ZHX3: variants seen among roughly 807,000 people sequenced by gnomAD.
ZHX3 encodes zinc fingers and homeoboxes 3.
In ZHX3, 20 loss-of-function variants were observed where a neutral mutation model predicts 64.5. The observed-to-expected ratio is 0.31, with a 90% CI of 0.22 to 0.45. The LOEUF (loss-of-function observed/expected upper bound fraction) is 0.45. ZHX3 is among the 20% of genes least tolerant of loss of function. The pLI, the probability that ZHX3 is intolerant of heterozygous loss-of-function variation, is 1.00. For synonymous variants in ZHX3, 423 were observed against 461.6 expected (o/e 0.92, Z 1.07); for missense variants, 1,041 against 1,195.8 (o/e 0.87, Z 1.91).
chr20:41,287,133 C>T (rs768781997), intron 1 of ZHX3, among the ~76,000 whole-genome samples: 17 of 152,190 alleles, frequency 1.1e-4, no homozygotes, highest in Non-Finnish European at 1.6e-4. Context: ...AGGCCTTTGA[C>T]TTACTATTCA....
intron 2 of ZHX3, among the ~76,000 whole-genome samples, chr20:41,220,814 C>G (rs1219672157): frequency 6.6e-6 from 1 of 151,974 alleles, no homozygotes; most frequent in Non-Finnish European, 1.5e-5. Context: ...CCGCTTCAGC[C>G]TCCCAAGTAG....
intron 1 of ZHX3, among the ~76,000 whole-genome samples, chr20:41,304,243 T>C (rs990740098): frequency 6.6e-6 from 1 of 152,146 alleles, no homozygotes; most frequent in Non-Finnish European, 1.5e-5. Context: ...CTACATACTA[T>C]ACTTTCTGTT....
chr20:41,220,245 G>A (rs1316603235), intron 2 of ZHX3, among the ~76,000 whole-genome samples: 1 of 152,192 alleles, frequency 6.6e-6, no homozygotes, highest in South Asian at 2.1e-4. Flanking sequence ...GTTGCTTTTG[G>A]ATTAGAGCTC....
chr20:41,194,116 C>T (rs1341253605), intron 3 of ZHX3, among the ~76,000 whole-genome samples: 8 of 152,122 alleles, frequency 5.3e-5, no homozygotes, highest in Admixed American at 5.2e-4. Context: ...CTAGAACTTC[C>T]AATGCTGTTT....
chr20:41,311,394 A>G (rs1370205583), intron 1 of ZHX3, among the ~76,000 whole-genome samples: 1 of 152,246 alleles, frequency 6.6e-6, no homozygotes, highest in African/African-American at 2.4e-5. Context: ...GCTTACAGCT[A>G]GAAAGTGGCA....
intron 1 of ZHX3, among the ~76,000 whole-genome samples, chr20:41,295,873 G>A (rs1015561896): frequency 2.6e-5 from 4 of 151,940 alleles, no homozygotes; most frequent in African/African-American, 9.6e-5. Flanking sequence ...AAATTATCAG[G>A]AGCCAAAATA....
chr20:41,299,076 T>G (rs915604862), intron 1 of ZHX3, among the ~76,000 whole-genome samples: 1 of 152,140 alleles, frequency 6.6e-6, no homozygotes. Context: ...ACACCAGAAA[T>G]AAACATAATT....
chr20:41,203,115 T>C lies in ZHX3; in HGVS notation c.1802A>G (p.Lys601Arg), dbSNP rs766602408. The C allele has an allele frequency of 1.9e-6, 3 of 1,614,038 alleles. No homozygotes were observed. Among genetic ancestry groups the C allele is most frequent in the East Asian group, 2.2e-5 (1 of 44,868 alleles). The stretch of plus-strand genomic sequence containing the variant: ...AGGAGTCTGGTGCCAAGATTGTCGT[T>C]TGGCAGAAGGGTGGGTTGCTAGTGT... ...TATLATHPSA[K>R]RQSWHQTPDF... The change falls in exon 3 of 4, where the codon AAA becomes AGA. Residue 601 changes from lysine to arginine, a missense_variant. This residue lies in a region of ZHX3 where 649 missense variants were observed against 739.8 expected (regional missense o/e 0.88). Transcript: ENST00000683867. This position sits in a 1 kb window ranked among gnomAD's most constrained non-coding sequence, Gnocchi z 7.1.
chr20:41,306,736 A>C (rs2044991209), intron 1 of ZHX3, among the ~76,000 whole-genome samples: 1 of 152,240 alleles, frequency 6.6e-6, no homozygotes, highest in African/African-American at 2.4e-5. Flanking sequence ...AGGAATAAAC[A>C]AAAAGGAAAT....
chr20:41,185,227 C>G lies in ZHX3; in HGVS notation c.2861-26G>C. 1 of 1,586,892 alleles carries G rather than the reference C, an allele frequency of 6.3e-7. No homozygotes were observed. Among genetic ancestry groups the G allele is most frequent in the Non-Finnish European group, 8.6e-7 (1 of 1,163,818 alleles). ...CTGAGAAGAAAACACATGCCTGTCA[C>G]TCTACGGCAGCTGCCACCACCTGCC... On this transcript the variant is annotated intron_variant, in intron 3 of 3. Coordinates refer to ENST00000683867, the MANE Select transcript of ZHX3 (RefSeq NM_001384317.1). This position sits in a 1 kb window ranked among gnomAD's most constrained non-coding sequence, Gnocchi z 5.0.
chr20:41,306,750 A>G lies in ZHX3; in HGVS notation c.-245+10759T>C, dbSNP rs374772536. 3.3e-5 allele frequency among the ~76,000 whole-genome samples: 5 copies of G among 152,256 alleles called. No individual in the cohort carries two copies. The East Asian group carries it at 9.6e-4, about 29-fold the overall frequency. On this transcript the variant is annotated intron_variant, in intron 1 of 3. Transcript: ENST00000683867. ...CAGGAATAAACAAAAAGGAAATGCTATCTTCTGTGAACTATATATGTTGAT... is the reference window on the plus strand; with the variant it reads ...CAGGAATAAACAAAAAGGAAATGCTGTCTTCTGTGAACTATATATGTTGAT...
intron 1 of ZHX3, among the ~76,000 whole-genome samples, chr20:41,280,817 A>C (rs1442160145): frequency 6.6e-6 from 1 of 152,216 alleles, no homozygotes. Flanking sequence ...GAATTCTCCC[A>C]AACCAAGAAA....
intron 1 of ZHX3, among the ~76,000 whole-genome samples, chr20:41,299,303 AG>A (rs1393741369): frequency 4.6e-5 from 7 of 152,228 alleles, no homozygotes; most frequent in African/African-American, 1.7e-4. Flanking sequence ...ATATCAAAAA[AG>A]GCACAAGGAT....
Position 41,181,744 on chromosome 20 carries a change from A to C in ZHX3, c.*3447T>G, listed in dbSNP as rs1431510460. ...GCACATCTCAGGCTACGGAATAGAG[A>C]GATTTCCTGGTGGGACGGCCTCCCA... On this transcript the variant is annotated 3_prime_UTR_variant, in exon 4 of 4. Coordinates refer to ENST00000683867, the MANE Select transcript of ZHX3 (RefSeq NM_001384317.1). 5 of 152,238 alleles carry C rather than the reference A, an allele frequency of 3.3e-5. No homozygotes were observed. Among genetic ancestry groups the C allele is most frequent in the African/African-American group, 9.6e-5 (4 of 41,454 alleles). The allele number at this position is 152,238 out of a possible 1,614,324, so 9.4% of individuals were successfully genotyped here. A position where few individuals can be genotyped will look rare whatever the true frequency, so the allele number is the denominator to read the frequency against.
intron 3 of ZHX3, among the ~76,000 whole-genome samples, chr20:41,193,692 T>G (rs6129767): frequency 0.29 from 43,270 of 150,196 alleles, 6,342 homozygotes; most frequent in South Asian, 0.38. Context: ...AAGTTTTTTT[T>G]TTGTTGTTGT....
At chr20:41,254,144 G>A (rs2042123514) in intron 2 of ZHX3, among the ~76,000 whole-genome samples, 1 of 151,978 alleles carries the variant, frequency 6.6e-6, no homozygotes, top group African/African-American at 2.4e-5. Flanking sequence ...AGGAAGAGAG[G>A]AAGAAAACTT....
chr20:41,192,158 T>C (rs928712681), intron 3 of ZHX3, among the ~76,000 whole-genome samples: 2 of 152,160 alleles, frequency 1.3e-5, no homozygotes, highest in African/African-American at 4.8e-5. Context: ...GGCGGCCCAT[T>C]CTGCAGGCCC....
intron 2 of ZHX3, among the ~76,000 whole-genome samples, chr20:41,223,460 G>T (rs1389852760): frequency 6.6e-6 from 1 of 152,148 alleles, no homozygotes; most frequent in East Asian, 1.9e-4. Context: ...CTTATACAAT[G>T]GAGTAACACA....
In ZHX3 at chr20:41,202,380, T is replaced by C. The variant is rs2038301399; in HGVS notation, c.2537A>G (p.Asn846Ser). ...GTAATAGTCCTGCAGGAGCTCCCGG[T>C]TGCCAGGGGCAATGACCAGTAGCCC... ...PPGLLVIAPG[N>S]RELLQDYYMT... The change falls in exon 3 of 4, where the codon AAC (asparagine) becomes AGC (serine). Residue 846 changes from asparagine (N) to serine (S), a missense_variant. This residue lies in a region of ZHX3 where 649 missense variants were observed against 739.8 expected (regional missense o/e 0.88). Coordinates refer to ENST00000683867, the MANE Select transcript of ZHX3 (RefSeq NM_001384317.1). This position sits in a 1 kb window ranked among gnomAD's most constrained non-coding sequence, Gnocchi z 7.0. 6.2e-7 allele frequency: 1 copy of C among 1,614,144 alleles called. No individual in the cohort carries two copies. The highest frequency in any genetic ancestry group is 8.5e-7 in the Non-Finnish European group (1 of 1,180,016).
Sources: gnomAD v4.1 joint callset for allele counts (sites outside exome capture counted in the v4.1 genomes callset) on GRCh38, gnomAD v4.1.1 for gene constraint, gnomAD v4.1.1 regional missense constraint, Gnocchi (gnomAD v3.1) non-coding constraint, MANE v1.5 for transcripts, NCBI Gene and HGNC (gene_info 2026-07-23, HGNC 2026-07-21) for gene names.